Variants in ACSM3 observed in about 807,000 individuals in gnomAD.
ACSM3 encodes the protein acyl-coenzyme A synthetase ACSM3, mitochondrial.
A neutral mutation model predicts 74.1 loss-of-function variants in ACSM3; 61 were observed. That is an observed-to-expected ratio of 0.82 (90% CI 0.67 to 1.02). The LOEUF (loss-of-function observed/expected upper bound fraction) is 1.02, where lower values mean the gene tolerates loss of function less well. Ranked by LOEUF, ACSM3 falls within the 50% of genes least tolerant of loss-of-function variation. The probability of loss-of-function intolerance (pLI) is 0.00; values close to 1 mark genes in which losing one functional copy is unlikely to be tolerated. For missense variants in ACSM3, 660 were observed against 697.0 expected (o/e 0.95, Z 0.60); for synonymous variants, 213 against 241.5 (o/e 0.88, Z 1.09).
chr16:20,740,494 G>A (rs2079907676), intron 1 of ACSM3, among the ~76,000 whole-genome samples: 1 of 152,220 alleles, frequency 6.6e-6, no homozygotes, highest in Non-Finnish European at 1.5e-5. Context: ...TGCCAGTCAG[G>A]CACAATAATA....
chr16:20,712,148 C>T (rs960599869), intron 1 of ACSM3, among the ~76,000 whole-genome samples: 2 of 152,130 alleles, frequency 1.3e-5, no homozygotes, highest in African/African-American at 4.8e-5. Context: ...CATGAGCCAC[C>T]ACACCTGGCC....
chr16:20,774,652 G>T (rs562452059), intron 2 of ACSM3, among the ~76,000 whole-genome samples: 85 of 152,298 alleles, frequency 5.6e-4, no homozygotes, highest in African/African-American at 2.0e-3. Context: ...TTTAACTGGG[G>T]AATTTAAACT....
chr16:20,781,130 A>G lies in ACSM3; in HGVS notation c.939A>G (p.Gln313=), dbSNP rs539126073. 18 of 1,613,898 alleles carry G rather than the reference A, an allele frequency of 1.1e-5. No homozygotes were observed. The East Asian group carries it at 4.0e-4, about 36-fold the overall frequency. Residue 313 remains glutamine, a splice_region_variant and synonymous_variant, in exon 6 of 14, where the codon CAA becomes CAG. Transcript: ENST00000289416. The part of the protein sequence containing the change: ...LPRFEPTSIL[Q]TLSKYPITVF... ...GTTTTGAGCCGACTTCTATCTTGCA[A>G]GTAAGCCAAAGCACAAAGAGGTCAA...
At chr16:20,723,165 A>G (rs1291397427) in intron 1 of ACSM3, among the ~76,000 whole-genome samples, 2 of 152,196 alleles carry the variant, frequency 1.3e-5, no homozygotes, top group Non-Finnish European at 2.9e-5. Context: ...TAGTTTGCTC[A>G]GAATGATGGT....
At chr16:20,686,196 G>A (rs2079550962) in intron 1 of ACSM3, among the ~76,000 whole-genome samples, 1 of 151,892 alleles carries the variant, frequency 6.6e-6, no homozygotes. Context: ...TTACTTAATT[G>A]CTAAATTTTT....
chr16:20,687,667 A>C (rs1485872305), intron 1 of ACSM3, among the ~76,000 whole-genome samples: 1 of 152,232 alleles, frequency 6.6e-6, no homozygotes, highest in Non-Finnish European at 1.5e-5. Flanking sequence ...AAAGATTTTA[A>C]ATCAATTGTC....
intron 1 of ACSM3, among the ~76,000 whole-genome samples, chr16:20,699,567 C>T (rs1387679427): frequency 6.6e-6 from 1 of 152,108 alleles, no homozygotes; most frequent in Admixed American, 6.5e-5. Context: ...TACCAAAAAA[C>T]AAAGAAACGA....
intron 1 of ACSM3, chr16:20,711,406 C>A (rs537341265): frequency 1.6e-6 from 1 of 621,624 alleles, no homozygotes; most frequent in Non-Finnish European, 2.6e-6. Context: ...AGGCACAAAG[C>A]CCAAATCTTC....
chr16:20,741,795 C>T (rs1466709757), intron 1 of ACSM3: 13 of 1,546,492 alleles, frequency 8.4e-6, no homozygotes, highest in African/African-American at 1.4e-5. Flanking sequence ...TTGGCGTCCT[C>T]GTCTATCGCC....
chr16:20,762,405 A>G (rs904277149), upstream of ACSM3, among the ~76,000 whole-genome samples: 3 of 151,926 alleles, frequency 2.0e-5, no homozygotes, highest in Admixed American at 6.6e-5. Flanking sequence ...CTAGAATGGG[A>G]AAAAAAAGAA....
At chr16:20,787,942 T>G (rs912843722) in intron 9 of ACSM3, among the ~76,000 whole-genome samples, 1 of 152,164 alleles carries the variant, frequency 6.6e-6, no homozygotes, top group Non-Finnish European at 1.5e-5. Flanking sequence ...CTCAGATGGT[T>G]GGTAAACCAA....
chr16:20,709,537 A>G (rs1456542416), intron 1 of ACSM3, among the ~76,000 whole-genome samples: 1 of 152,232 alleles, frequency 6.6e-6, no homozygotes, highest in African/African-American at 2.4e-5. Context: ...AGGTCAACCT[A>G]TTGAGTGCAT....
At chr16:20,774,237 GTCTT>G (rs2080227362) in intron 2 of ACSM3, among the ~76,000 whole-genome samples, 1 of 133,434 alleles carries the variant, frequency 7.5e-6, no homozygotes, top group Non-Finnish European at 1.6e-5. Context: ...CATTTTCTGT[GTCTT>G]TTTTTTTTTT....
chr16:20,742,813 A>ATATATATATATATATATATAT (rs61582869), intron 1 of ACSM3, among the ~76,000 whole-genome samples: 15 of 66,824 alleles, frequency 2.2e-4, no homozygotes, highest in African/African-American at 6.0e-4. Context: ...ATATATATAT[A>ATATATATATATATATATATAT]TTTTTTTTTT....
In ACSM3 at chr16:20,764,103, T is replaced by A. The variant is rs1224434113; in HGVS notation, c.-74T>A. The A allele has an allele frequency of 1.3e-5, 2 of 152,244 alleles. No homozygotes were observed. The highest frequency in any genetic ancestry group is 3.8e-4 in the East Asian group (2 of 5,202). 9.4% of individuals were successfully genotyped at this position (152,244 alleles called of 1,614,324 possible). The stretch of plus-strand genomic sequence containing the variant: ...AGAAACAAGTCTGCCATAATCTCCA[T>A]CTGTGTTGGAATCTGTTAACTAGTG... On this transcript the variant is annotated 5_prime_UTR_variant, in exon 1 of 14. Transcript: ENST00000289416.
rs569924920 is a variant in ACSM3 at position 20,706,175 on chromosome 16, C to T, written c.-190+31353C>T. Among the ~76,000 whole-genome samples the T allele has an allele frequency of 2.0e-5, 3 of 150,988 alleles. No homozygotes were observed. In the South Asian group the frequency reaches 6.3e-4, roughly 32 times the overall value. ...TAAGAAATAATGACCAAAAGTTTTCCAGATTTTGGTGAAAGATATAAATTT... is the reference window on the plus strand; with the variant it reads ...TAAGAAATAATGACCAAAAGTTTTCTAGATTTTGGTGAAAGATATAAATTT... On this transcript the variant is annotated intron_variant, in intron 1 of 3. Transcript: ENST00000561584.
At chr16:20,761,876 G>A (rs2080079727), upstream of ACSM3, among the ~76,000 whole-genome samples, 2 of 152,108 alleles carry the variant, frequency 1.3e-5, no homozygotes, top group African/African-American at 4.8e-5. Flanking sequence ...AGGGAAAAAC[G>A]CCTCAAATGA....
At chr16:20,755,259 T>C (rs28457734) in intron 2 of ACSM3, among the ~76,000 whole-genome samples, 2,851 of 152,234 alleles carry the variant, frequency 0.019, 83 homozygotes, top group African/African-American at 0.064. Context: ...TGTGTTTGAA[T>C]TGAAAATCAC....
At chr16:20,746,979 A>G (rs1482786171) in intron 1 of ACSM3, among the ~76,000 whole-genome samples, 2 of 152,088 alleles carry the variant, frequency 1.3e-5, no homozygotes, top group African/African-American at 4.8e-5. Context: ...TTCTTCTTAA[A>G]CTTTTCCTGG....
Sources: allele counts gnomAD v4.1 joint callset (sites outside exome capture counted in the v4.1 genomes callset), GRCh38; gene constraint gnomAD v4.1.1; transcripts MANE v1.5; gene names NCBI Gene and HGNC (gene_info 2026-07-23, HGNC 2026-07-21).